The following ULK4 variants were observed in gnomAD, a reference collection of about 807,000 sequenced individuals.
ULK4 encodes the protein inactive serine/threonine-protein kinase ULK4.
ULK4 carries 133 observed loss-of-function variants against 160.6 expected under a neutral mutation model. The ratio of observed to expected loss-of-function variants is 0.83; its 90% confidence interval spans 0.72 to 0.96. ULK4 has a LOEUF of 0.96. ULK4 is among the 40% of genes least tolerant of loss of function. ULK4 has a pLI of 0.00. For synonymous variants in ULK4, 534 were observed against 539.8 expected (o/e 0.99, Z 0.15); for missense variants, 1,580 against 1,499.5 (o/e 1.05, Z -0.89).
chr3:41,468,024 G>C (rs2083878863), intron 32 of ULK4, among the ~76,000 whole-genome samples: 1 of 152,230 alleles, frequency 6.6e-6, no homozygotes, highest in Non-Finnish European at 1.5e-5. Context: ...AGTATGTGCT[G>C]TCTTCACTGG....
At chr3:41,675,877 T>A (rs1238876398) in intron 29 of ULK4, among the ~76,000 whole-genome samples, 1 of 152,228 alleles carries the variant, frequency 6.6e-6, no homozygotes. Context: ...TCCTGAATTG[T>A]TAAAGAATGA....
chr3:41,385,417 AAAG>A (rs2081784003), intron 35 of ULK4, among the ~76,000 whole-genome samples: 1 of 152,140 alleles, frequency 6.6e-6, no homozygotes, highest in Non-Finnish European at 1.5e-5. Flanking sequence ...TCTCTTGAGA[AAAG>A]AAATCAAAAC....
intron 21 of ULK4, among the ~76,000 whole-genome samples, chr3:41,772,285 G>C (rs2039417365): frequency 1.3e-5 from 2 of 152,096 alleles, no homozygotes; most frequent in Non-Finnish European, 2.9e-5. Flanking sequence ...CCAGGAGCTG[G>C]TTTTTTGAAA....
chr3:41,575,446 T>A (rs1559407305), intron 31 of ULK4, among the ~76,000 whole-genome samples: 3 of 152,104 alleles, frequency 2.0e-5, no homozygotes, highest in Admixed American at 1.3e-4. Context: ...AGCATGTTTT[T>A]CTCCCCTCGG....
At chr3:41,927,780 G>A (rs1699437526) in intron 5 of ULK4, among the ~76,000 whole-genome samples, 2 of 151,648 alleles carry the variant, frequency 1.3e-5, no homozygotes, top group African/African-American at 2.4e-5. Context: ...TAATGGTAAA[G>A]GGATCAATGC....
intron 17 of ULK4, among the ~76,000 whole-genome samples, chr3:41,864,062 C>G (rs1039649601): frequency 6.6e-6 from 1 of 152,106 alleles, no homozygotes. Context: ...CAAAGGCAGT[C>G]TTGTACACAA....
At chr3:41,356,542 G>T (rs1230145118) in intron 35 of ULK4, among the ~76,000 whole-genome samples, 1 of 152,156 alleles carries the variant, frequency 6.6e-6, no homozygotes, top group African/African-American at 2.4e-5. Flanking sequence ...TCACAAGCCA[G>T]TGCAAAAAGG....
intron 18 of ULK4, among the ~76,000 whole-genome samples, chr3:41,824,320 A>G (rs546830307): frequency 6.6e-4 from 100 of 152,132 alleles, no homozygotes; most frequent in African/African-American, 2.0e-3. Context: ...CAGTGGGTGC[A>G]GGACAGTGGG....
intron 18 of ULK4, among the ~76,000 whole-genome samples, chr3:41,827,012 A>C: frequency 6.6e-6 from 1 of 151,002 alleles, no homozygotes; most frequent in African/African-American, 2.5e-5. Context: ...AACTCACTGA[A>C]AACCGCTCCA....
intron 29 of ULK4, among the ~76,000 whole-genome samples, chr3:41,666,478 C>T (rs1420605167): frequency 6.6e-6 from 1 of 152,300 alleles, no homozygotes; most frequent in South Asian, 2.1e-4. Context: ...AACTGAGAGG[C>T]ACTGTCATTA....
At chr3:41,520,252 T>C (rs1384750967) in intron 32 of ULK4, among the ~76,000 whole-genome samples, 1 of 151,606 alleles carries the variant, frequency 6.6e-6, no homozygotes, top group Admixed American at 6.6e-5. Context: ...CCTGTTCTAC[T>C]TTCAGTCCCT....
chr3:41,652,871 C>T (rs1400057289), intron 30 of ULK4, among the ~76,000 whole-genome samples: 1 of 152,148 alleles, frequency 6.6e-6, no homozygotes, highest in African/African-American at 2.4e-5. Context: ...CATGAATAAA[C>T]CAGGAGATGT....
chr3:41,868,510 C>T (rs549227299), intron 17 of ULK4, among the ~76,000 whole-genome samples: 14 of 151,368 alleles, frequency 9.2e-5, no homozygotes, highest in Admixed American at 3.3e-4. Context: ...TGTTTTGAGA[C>T]GGAGTCTCAC....
chr3:41,636,884 T>C (rs1175308721), intron 30 of ULK4, among the ~76,000 whole-genome samples: 1 of 152,128 alleles, frequency 6.6e-6, no homozygotes, highest in Non-Finnish European at 1.5e-5. Context: ...ACAGTGGAAT[T>C]AAAGATGTTT....
At chr3:41,781,809 G>A (rs1433175474) in intron 21 of ULK4, among the ~76,000 whole-genome samples, 2 of 152,014 alleles carry the variant, frequency 1.3e-5, no homozygotes, top group African/African-American at 4.8e-5. Context: ...CGTGGTGCCA[G>A]GCACCTGTAA....
intron 21 of ULK4, among the ~76,000 whole-genome samples, chr3:41,767,644 C>G (rs550255222): frequency 2.6e-5 from 4 of 152,102 alleles, no homozygotes; most frequent in Non-Finnish European, 4.4e-5. Flanking sequence ...AAAAAGAATT[C>G]ACTTTTTTGC....
chr3:41,815,070 G>C lies in ULK4; in HGVS notation c.1848+4353C>G, dbSNP rs540933801. On this transcript the variant is annotated intron_variant, in intron 19 of 36. Coordinates refer to ENST00000301831, the MANE Select transcript of ULK4 (RefSeq NM_017886.4). ...ATTACAGGCATGCACCACCACGCCC[G>C]ACTAATTTTTGTATTTTTAGCAGAG... 1.2e-4 allele frequency among the ~76,000 whole-genome samples: 18 copies of C among 151,866 alleles called. 1 individual carries two copies. The South Asian group carries it at 2.7e-3, about 23-fold the overall frequency.
intron 22 of ULK4, among the ~76,000 whole-genome samples, chr3:41,729,665 G>A (rs946898175): frequency 3.9e-5 from 6 of 152,146 alleles, no homozygotes; most frequent in African/African-American, 9.7e-5. Flanking sequence ...TTTCAACTCC[G>A]GAGGTGAGGA....
intron 20 of ULK4, among the ~76,000 whole-genome samples, chr3:41,794,539 T>C (rs1347963165): frequency 2.2e-4 from 34 of 151,526 alleles, no homozygotes; most frequent in Admixed American, 2.0e-3. Flanking sequence ...TGGACACCTG[T>C]AATCTCAACT....
Sources: allele counts gnomAD v4.1 joint callset (sites outside exome capture counted in the v4.1 genomes callset), GRCh38; gene constraint gnomAD v4.1.1; transcripts MANE v1.5; gene names NCBI Gene and HGNC (gene_info 2026-07-23, HGNC 2026-07-21).